The following GSE1 variants were observed in gnomAD, a reference collection of about 807,000 sequenced individuals.
GSE1 encodes the protein Gse1 coiled-coil protein.
In GSE1, 32 loss-of-function variants were observed where a neutral mutation model predicts 112.6. That is an observed-to-expected ratio of 0.28 (90% CI 0.21 to 0.38). GSE1 has a LOEUF of 0.38. Ranked by LOEUF, GSE1 falls within the 10% of genes least tolerant of loss-of-function variation. GSE1 has a pLI of 1.00. For missense variants in GSE1, 2,348 were observed against 1,699.2 expected (o/e 1.38, Z -6.71); for synonymous variants, 1,115 against 735.6 (o/e 1.52, Z -8.35).
At chr16:85,178,487 C>G (rs990395771) in intron 1 of GSE1, among the ~76,000 whole-genome samples, 3 of 152,080 alleles carry the variant, frequency 2.0e-5, no homozygotes, top group Non-Finnish European at 2.9e-5. Flanking sequence ...GGGCCCTGCC[C>G]CCAGGCCTGT....
intron 2 of GSE1, among the ~76,000 whole-genome samples, chr16:85,358,027 C>T (rs949452649): frequency 6.6e-6 from 1 of 152,150 alleles, no homozygotes; most frequent in Non-Finnish European, 1.5e-5. Context: ...CACTGTGTCC[C>T]AGGTGCACGT....
chr16:85,196,400 G>C (rs1052666506), intron 1 of GSE1, among the ~76,000 whole-genome samples: 3 of 152,166 alleles, frequency 2.0e-5, no homozygotes, highest in Non-Finnish European at 2.9e-5. Flanking sequence ...GGATGGGAGA[G>C]GAGAGAGCAG....
intron 1 of GSE1, among the ~76,000 whole-genome samples, chr16:85,305,567 G>C (rs1236895383): frequency 6.6e-6 from 1 of 152,002 alleles, no homozygotes; most frequent in African/African-American, 2.4e-5. Context: ...TGCAACCTCC[G>C]CCTCCTGGGT....
At chr16:85,647,379 G>A (rs2050962985) in intron 2 of GSE1, among the ~76,000 whole-genome samples, 1 of 152,220 alleles carries the variant, frequency 6.6e-6, no homozygotes, top group South Asian at 2.1e-4. Flanking sequence ...GGTGGTGGTT[G>A]TAAACAGCGA....
rs530686856 is a variant in GSE1 at position 85,305,182 on chromosome 16, G to A, written c.2284-52281G>A. ...CCCATGACTGGAGCAGGGTCTACAC[G>A]TGAGAATCACCTGGAGAGCTCTCCA... On this transcript the variant is annotated intron_variant, in intron 1 of 2. Transcript: ENST00000637419. Among the ~76,000 whole-genome samples the A allele has an allele frequency of 3.9e-5, 6 of 152,324 alleles. No individual in the cohort carries two copies. In the South Asian group the frequency reaches 8.3e-4, roughly 21 times the overall value.
intron 1 of GSE1, among the ~76,000 whole-genome samples, chr16:85,199,105 C>T (rs1209557371): frequency 6.6e-6 from 1 of 152,036 alleles, no homozygotes; most frequent in African/African-American, 2.4e-5. Flanking sequence ...CTACCATGCC[C>T]AGCTAATTTT....
intron 1 of GSE1, among the ~76,000 whole-genome samples, chr16:85,590,564 C>T (rs763540198): frequency 1.3e-5 from 2 of 148,884 alleles, no homozygotes; most frequent in African/African-American, 2.5e-5. Context: ...TGACTGGGCC[C>T]GCGTGTGAAT....
chr16:85,268,759 G>A (rs1339665508), intron 1 of GSE1, among the ~76,000 whole-genome samples: 2 of 152,160 alleles, frequency 1.3e-5, no homozygotes, highest in Non-Finnish European at 2.9e-5. Context: ...TTCCTCGGGG[G>A]GCATTGGTTC....
chr16:85,434,277 G>A (rs1055921216), intron 2 of GSE1, among the ~76,000 whole-genome samples: 1 of 151,242 alleles, frequency 6.6e-6, no homozygotes, highest in Non-Finnish European at 1.5e-5. Context: ...ACCATCTAGG[G>A]CATGGCCTAG....
intron 2 of GSE1, among the ~76,000 whole-genome samples, chr16:85,518,989 C>A (rs1373743163): frequency 2.0e-5 from 3 of 152,130 alleles, no homozygotes; most frequent in African/African-American, 7.2e-5. Context: ...CACTCTGGAC[C>A]CGTCTGCCTC....
chr16:85,324,371 G>A (rs187370502), intron 1 of GSE1, among the ~76,000 whole-genome samples: 188 of 152,256 alleles, frequency 1.2e-3, no homozygotes, highest in African/African-American at 4.3e-3. Flanking sequence ...TTAGCTGGGT[G>A]TGGTGGCGCA....
chr16:85,485,634 C>T (rs1462807402), intron 2 of GSE1, among the ~76,000 whole-genome samples: 1 of 152,238 alleles, frequency 6.6e-6, no homozygotes, highest in Admixed American at 6.5e-5. Flanking sequence ...CGAGAGCCTT[C>T]CTCGGATTAA....
At chr16:85,572,231 C>A in intron 1 of GSE1, among the ~76,000 whole-genome samples, 1 of 147,858 alleles carries the variant, frequency 6.8e-6, no homozygotes, top group Middle Eastern at 3.5e-3. Flanking sequence ...ACATACCACA[C>A]GTACAAAACA....
chr16:85,520,060 C>T (rs967593473), intron 2 of GSE1, among the ~76,000 whole-genome samples: 1 of 152,186 alleles, frequency 6.6e-6, no homozygotes, highest in African/African-American at 2.4e-5. Context: ...AACAAAATAC[C>T]ATAGACCAGG....
At chr16:85,417,265 C>G (rs1299913253) in intron 2 of GSE1, among the ~76,000 whole-genome samples, 1 of 152,212 alleles carries the variant, frequency 6.6e-6, no homozygotes, top group African/African-American at 2.4e-5. Context: ...CCACTAGATG[C>G]CAGTAGCACT....
chr16:85,251,644 C>A (rs940315905), intron 1 of GSE1, among the ~76,000 whole-genome samples: 1 of 152,110 alleles, frequency 6.6e-6, no homozygotes, highest in Non-Finnish European at 1.5e-5. Flanking sequence ...CCTTGCTGGG[C>A]GGTCAGACCC....
At chr16:85,327,528 G>T (rs541063675) in intron 1 of GSE1, among the ~76,000 whole-genome samples, 1 of 152,312 alleles carries the variant, frequency 6.6e-6, no homozygotes, top group South Asian at 2.1e-4. Context: ...ATTTGAACCC[G>T]GGAGGCAGAG....
chr16:85,667,682 A>G (rs1327211931), intron 13 of GSE1, among the ~76,000 whole-genome samples: 2 of 152,208 alleles, frequency 1.3e-5, no homozygotes, highest in Non-Finnish European at 2.9e-5. Context: ...AACATGGCGA[A>G]ACCCTGTTTC....
At chr16:85,183,243 ACT>A (rs1393257617) in intron 1 of GSE1, among the ~76,000 whole-genome samples, 6 of 152,060 alleles carry the variant, frequency 3.9e-5, no homozygotes, top group Admixed American at 1.3e-4. Flanking sequence ...ATTCATGCAC[ACT>A]CATGCACACA....
Sources: allele counts gnomAD v4.1 joint callset (sites outside exome capture counted in the v4.1 genomes callset), GRCh38; gene constraint gnomAD v4.1.1; transcripts MANE v1.5; gene names NCBI Gene and HGNC (gene_info 2026-07-23, HGNC 2026-07-21).